Variants in NAA15 observed in about 807,000 individuals in gnomAD.
The protein encoded by NAA15 is N-terminal acetyltransferase.
A neutral mutation model predicts 114.0 loss-of-function variants in NAA15; 34 were observed. The observed-to-expected ratio is 0.30, with a 90% confidence interval of 0.23 to 0.40. NAA15 has a LOEUF of 0.40. Ranked by LOEUF, NAA15 falls within the 10% of genes least tolerant of loss-of-function variation. The pLI, the probability that NAA15 is intolerant of heterozygous loss-of-function variation, is 1.00. For synonymous variants in NAA15, 340 were observed against 338.0 expected (o/e 1.01, Z -0.06); for missense variants, 658 against 1,004.5 (o/e 0.66, Z 4.66).
chr4:139,306,142 T>C (rs986764168), intron 1 of NAA15, among the ~76,000 whole-genome samples: 1 of 152,232 alleles, frequency 6.6e-6, no homozygotes, highest in African/African-American at 2.4e-5. Flanking sequence ...AGCATTGTCC[T>C]AAGTTAGTCA....
At chr4:139,340,140 G>T (rs1747333740) in intron 3 of NAA15, among the ~76,000 whole-genome samples, 1 of 152,070 alleles carries the variant, frequency 6.6e-6, no homozygotes, top group African/African-American at 2.4e-5. Context: ...TGGGCAACAT[G>T]GCGAGATCCC....
intron 6 of NAA15, 113 bp from the exon 7 acceptor site, chr4:139,349,349 T>TAAGGGAACTGGAACC (rs1747703981): frequency 1.1e-6 from 1 of 936,994 alleles, no homozygotes; most frequent in East Asian, 2.8e-5. Flanking sequence ...TCCATCCACT[T>TAAGGGAACTGGAACC]AGCAGCACTG....
At chr4:139,335,063 T>C (rs1340837724) in intron 2 of NAA15, among the ~76,000 whole-genome samples, 2 of 152,128 alleles carry the variant, frequency 1.3e-5, no homozygotes. Flanking sequence ...TCACTCCTAA[T>C]GATCCCAACC....
At chr4:139,311,831 G>T (rs1746235547) in intron 1 of NAA15, among the ~76,000 whole-genome samples, 1 of 151,846 alleles carries the variant, frequency 6.6e-6, no homozygotes, top group African/African-American at 2.4e-5. Flanking sequence ...GGGCGCAGGG[G>T]TGCATGCCAG....
chr4:139,366,750 A>G (rs917421488), intron 14 of NAA15, among the ~76,000 whole-genome samples: 4 of 152,054 alleles, frequency 2.6e-5, no homozygotes, highest in Non-Finnish European at 5.9e-5. Flanking sequence ...GTAGGACTAC[A>G]GGCACATGCC....
At position 139,331,667 on chromosome 4, in the gene NAA15, G is replaced by A. The variant is rs191821317; in HGVS notation, c.55-2507G>A. 4.3e-3 allele frequency among the ~76,000 whole-genome samples: 621 copies of A among 142,990 alleles called. 3 individuals carry two copies. Among genetic ancestry groups the A allele is most frequent in the Non-Finnish European group, 6.8e-3 (450 of 66,620 alleles). 93.8% of individuals were successfully genotyped at this position (142,990 alleles called of 152,430 possible). A position where few individuals can be genotyped will look rare whatever the true frequency, so the allele number is the denominator to read the frequency against. On this transcript the variant is annotated intron_variant, in intron 1 of 19. Coordinates refer to ENST00000296543, the MANE Select transcript of NAA15 (RefSeq NM_057175.5). ...TTTAGTAGAGAAAGAGTTTCACCAC[G>A]TTGGTCAGGCTGGTCTCGAACTCTT...
rs750046998 is a variant in NAA15, at chr4:139,342,925, G to A, written c.502G>A (p.Ala168Thr). ...YHLLEDYEMA[A>T]KILEEFRKTQ... The stretch of plus-strand genomic sequence containing the variant: ...TTTATTAGAAGATTATGAAATGGCA[G>A]CAAAGATTTTAGAAGAATTTAGGAA... Residue 168 changes from alanine (A) to threonine (T), a missense_variant, in exon 5 of 20, where the codon GCA becomes ACA. Physicochemically the swap from Ala to Thr is moderately conservative, Grantham distance 58. Transcript: ENST00000296543. 6 of 1,613,168 alleles carry A rather than the reference G, an allele frequency of 3.7e-6. No homozygotes were observed. In the South Asian group the frequency reaches 6.6e-5, roughly 18 times the overall value.
intron 6 of NAA15, among the ~76,000 whole-genome samples, chr4:139,348,861 G>T (rs1313199384): frequency 6.6e-6 from 1 of 152,198 alleles, no homozygotes; most frequent in African/African-American, 2.4e-5. Context: ...TGCAGTCCAG[G>T]GAAGGCAACA....
Position 139,354,009 on chromosome 4 carries a change from G to C in NAA15, c.1015-17G>C. The C allele has an allele frequency of 6.3e-7, 1 of 1,599,612 alleles. No homozygotes were observed. Among genetic ancestry groups the C allele is most frequent in the Non-Finnish European group, 8.5e-7 (1 of 1,170,092 alleles). On this transcript the variant is annotated splice_polypyrimidine_tract_variant and intron_variant, in intron 9 of 19. Transcript: ENST00000296543. ...GTGTTTTTTCTATTAAAGTGTGTTT[G>C]TGTGTTTGTACTCTAGGTGGCAATC...
At chr4:139,353,770 C>A in intron 9 of NAA15, among the ~76,000 whole-genome samples, 1 of 152,124 alleles carries the variant, frequency 6.6e-6, no homozygotes, top group East Asian at 1.9e-4. Context: ...CTGTCTTTGT[C>A]CAACTCTTCC....
At chr4:139,304,589 T>A (rs1040150112) in intron 1 of NAA15, among the ~76,000 whole-genome samples, 1 of 152,258 alleles carries the variant, frequency 6.6e-6, no homozygotes, top group Non-Finnish European at 1.5e-5. Context: ...TTACTTATAA[T>A]ACCTAATGCA....
intron 15 of NAA15, among the ~76,000 whole-genome samples, chr4:139,370,665 T>TG (rs1380356679): frequency 6.6e-6 from 1 of 152,220 alleles, no homozygotes; most frequent in Non-Finnish European, 1.5e-5. Flanking sequence ...CATTCAGATC[T>TG]GGGTCCAGAT....
chr4:139,354,884 A>G (rs1007897749), intron 10 of NAA15, among the ~76,000 whole-genome samples: 1 of 152,062 alleles, frequency 6.6e-6, no homozygotes, highest in Non-Finnish European at 1.5e-5. Context: ...AAATTAATAT[A>G]TATATTTTTT....
chr4:139,309,254 G>C lies in NAA15; in HGVS notation c.54+7423G>C, dbSNP rs563489156. ...TCCCAGCTACTTGGGAGGCTGAGGC[G>C]GGAGAATTATTTGAACCCAGGAGGT... On this transcript the variant is annotated intron_variant, in intron 1 of 19. Coordinates refer to ENST00000296543, the MANE Select transcript of NAA15 (RefSeq NM_057175.5). 7.5e-4 allele frequency among the ~76,000 whole-genome samples: 113 copies of C among 151,574 alleles called. 1 individual carries two copies. The highest frequency in any genetic ancestry group is 2.2e-3 in the Admixed American group (34 of 15,202).
chr4:139,354,756 C>T (rs1422489324), intron 10 of NAA15, among the ~76,000 whole-genome samples: 3 of 152,166 alleles, frequency 2.0e-5, no homozygotes, highest in Non-Finnish European at 4.4e-5. Context: ...CTTTTCTCTA[C>T]TCCCATATTG....
chr4:139,352,489 A>C (rs1299189366), intron 9 of NAA15, among the ~76,000 whole-genome samples: 1 of 152,050 alleles, frequency 6.6e-6, no homozygotes, highest in Admixed American at 6.6e-5. Flanking sequence ...GATTCTAAAA[A>C]ATCAGTTACA....
chr4:139,371,497 G>GCACACACACACACACACACA (rs35581039), intron 15 of NAA15, among the ~76,000 whole-genome samples: 14 of 113,664 alleles, frequency 1.2e-4, no homozygotes, highest in Middle Eastern at 5.0e-3. Context: ...AAGAAAAGTA[G>GCACACACACACACACACACA]CACACACACA....
intron 19 of NAA15, 126 bp downstream of exon 19, chr4:139,386,356 T>A: frequency 2.0e-6 from 1 of 492,664 alleles, no homozygotes. Context: ...ACAACTTATC[T>A]TAAAATTTAT....
At chr4:139,350,221 T>C (rs1747732978) in intron 7 of NAA15, among the ~76,000 whole-genome samples, 1 of 152,126 alleles carries the variant, frequency 6.6e-6, no homozygotes, top group Non-Finnish European at 1.5e-5. Context: ...GGCGGGAGGA[T>C]TGCTTGAGCC....
Sources: gnomAD v4.1 joint callset for allele counts (sites outside exome capture counted in the v4.1 genomes callset) on GRCh38, gnomAD v4.1.1 for gene constraint, MANE v1.5 for transcripts, NCBI Gene and HGNC (gene_info 2026-07-23, HGNC 2026-07-21) for gene names.